ZIC5: variants seen among roughly 807,000 people sequenced by gnomAD.
ZIC5 encodes the protein Zic family zinc finger 5.
ZIC5 carries 20 observed loss-of-function variants against 28.5 expected under a neutral mutation model. The ratio of observed to expected loss-of-function variants is 0.70; its 90% CI spans 0.49 to 1.02. The LOEUF (loss-of-function observed/expected upper bound fraction) is 1.02, where lower values mean the gene tolerates loss of function less well. Ranked by LOEUF, ZIC5 falls within the 50% of genes least tolerant of loss-of-function variation. The probability of loss-of-function intolerance (pLI) is 0.00; values close to 1 mark genes in which losing one functional copy is unlikely to be tolerated. For synonymous variants in ZIC5, 488 were observed against 410.4 expected (o/e 1.19, Z -2.29); for missense variants, 951 against 899.7 (o/e 1.06, Z -0.73).
Position 99,971,449 on chromosome 13 carries a change from C to A in ZIC5, c.155G>T (p.Arg52Leu), listed in dbSNP as rs1346762601. 6.5e-7 allele frequency: 1 copy of A among 1,530,246 alleles called. No homozygotes were observed. The highest frequency in any genetic ancestry group is 2.0e-5 in the Admixed American group (1 of 50,234). The allele number at this position is 1,530,246 out of a possible 1,614,324, so 94.8% of individuals were successfully genotyped here. The change falls in exon 1 of 2, where the codon CGC becomes CTC. Residue 52 changes from arginine (R) to leucine (L), a missense_variant. Around this residue, in one of 3 missense-constraint regions of ZIC5, gnomAD observed 784 missense variants for 660.1 expected, o/e 1.19. Transcript: ENST00000267294. The stretch of plus-strand genomic sequence containing the variant: ...GGGGTCAGCGCCCAGGTCCCGCAGG[C>A]GGAGGTGCGCGACGGCGGCCCGGAG... Reference protein sequence around the residue: ...SQLRAAVAHLRLRDLGADPGV... With the variant: ...SQLRAAVAHLLLRDLGADPGV...
rs983181255 is a variant in ZIC5 at position 99,971,714 on chromosome 13, C to T, written c.-111G>A. The T allele has an allele frequency of 7.7e-6, 12 of 1,549,680 alleles. No homozygotes were observed. The African/African-American group carries it at 1.5e-4, about 19-fold the overall frequency. On this transcript the variant is annotated 5_prime_UTR_variant, in exon 1 of 2. Transcript: ENST00000267294. ...GCTCTTTAACTTCTTTTGTCCTGGCCTCTTAACTCTGCTTATTCCTGTTCC... is the reference window on the plus strand; with the variant it reads ...GCTCTTTAACTTCTTTTGTCCTGGCTTCTTAACTCTGCTTATTCCTGTTCC...
Position 99,971,005 on chromosome 13 carries a change from C to G in ZIC5, c.599G>C (p.Gly200Ala), listed in dbSNP as rs2053151987. ...GAPLGGEQRSGTGSPQHPAPP... is the reference protein window; with the variant it reads ...GAPLGGEQRSATGSPQHPAPP... ...GGCCGGGTGCTGGGGGGAGCCGGTG[C>G]CGGACCGCTGCTCCCCTCCGAGCGG... is the stretch of plus-strand genomic sequence containing the variant. Residue 200 changes from glycine to alanine, a missense_variant, in exon 1 of 2, where the codon GGC becomes GCC. Around this residue, in one of 3 missense-constraint regions of ZIC5, gnomAD observed 784 missense variants for 660.1 expected, o/e 1.19. Transcript: ENST00000267294. The G allele has an allele frequency of 7.1e-7, 1 of 1,410,070 alleles. No homozygotes were observed. Among genetic ancestry groups the G allele is most frequent in the Non-Finnish European group, 9.1e-7 (1 of 1,095,174 alleles). The allele number at this position is 1,410,070 out of a possible 1,614,324, so 87.3% of individuals were successfully genotyped here.
rs772735070 is a variant in ZIC5 at position 99,970,301 on chromosome 13, C to T, written c.1303G>A (p.Val435Ile). The change falls in exon 1 of 2, where the codon GTC (valine) becomes ATC (isoleucine). Residue 435 changes from valine (V) to isoleucine (I), a missense_variant. Around this residue, in one of 3 missense-constraint regions of ZIC5, gnomAD observed 784 missense variants for 660.1 expected, o/e 1.19. Transcript: ENST00000267294. ...CGCGGACAGTCCTCCCAGAAGCAGACGTGGCTGCTCTGCTCGGGGCCTCCC... is the reference window on the plus strand; with the variant it reads ...CGCGGACAGTCCTCCCAGAAGCAGATGTGGCTGCTCTGCTCGGGGCCTCCC... ...HVGGPEQSSHVCFWEDCPREG... is the reference protein window; with the variant it reads ...HVGGPEQSSHICFWEDCPREG... 26 of 1,613,450 alleles carry T rather than the reference C, an allele frequency of 1.6e-5. No individual in the cohort carries two copies. The highest frequency in any genetic ancestry group is 2.1e-5 in the Non-Finnish European group (25 of 1,179,810).
At chr13:99,966,973 A>G (rs1232720764) in intron 1 of ZIC5, among the ~76,000 whole-genome samples, 1 of 152,218 alleles carries the variant, frequency 6.6e-6, no homozygotes, top group African/African-American at 2.4e-5. Context: ...CATATTATTG[A>G]ATTAATATTT....
rs1035938367 is a variant in ZIC5 at position 99,971,568 on chromosome 13, C to T, written c.36G>A (p.Ala12=). 3 of 1,553,316 alleles carry T rather than the reference C, an allele frequency of 1.9e-6. No homozygotes were observed. In the African/African-American group the frequency reaches 4.1e-5, roughly 21 times the overall value. The change falls in exon 1 of 2, where the codon GCG becomes GCA. Residue 12 remains alanine, a synonymous_variant. Transcript: ENST00000267294. ...CCGTTGCCAAATCCGCTAATCTCAG[C>T]GCTGGCGGGTTCCTCTTGCTCAAAG... is the stretch of plus-strand genomic sequence containing the variant. ...EPPLSKRNPP[A]LRLADLATAQ...
chr13:99,969,634 GC>G (rs1481766625), intron 1 of ZIC5, among the ~76,000 whole-genome samples: 1 of 152,142 alleles, frequency 6.6e-6, no homozygotes, highest in African/African-American at 2.4e-5. Context: ...CAAATCCCAC[GC>G]CCGGTCCTCG....
At chr13:99,968,939 A>G (rs928223881) in intron 1 of ZIC5, among the ~76,000 whole-genome samples, 1 of 152,196 alleles carries the variant, frequency 6.6e-6, no homozygotes, top group African/African-American at 2.4e-5. Flanking sequence ...CCCCGGCCCG[A>G]GCGTGGGACC....
In ZIC5 at chr13:99,970,797, C is replaced by CGCCGCG; in HGVS notation, c.801_806dup (p.Ala269_Ala270dup). ...GTTCGGCGCGGCCGTACAGCTCAGC[C>CGCCGCG]GCCGCGGCTGCCGCTGCCGCCGCCA... On this transcript the variant is annotated inframe_insertion, in exon 1 of 2. Coordinates refer to ENST00000267294, the MANE Select transcript of ZIC5 (RefSeq NM_033132.5). The CGCCGCG allele has an allele frequency of 1.7e-6, 2 of 1,197,960 alleles. No homozygotes were observed. Among genetic ancestry groups the CGCCGCG allele is most frequent in the Non-Finnish European group, 2.1e-6 (2 of 970,634 alleles). The allele number at this position is 1,197,960 out of a possible 1,614,324, so 74.2% of individuals were successfully genotyped here. A position where few individuals can be genotyped will look rare whatever the true frequency, so the allele number is the denominator to read the frequency against.
chr13:99,969,191 C>T (rs1438860638), intron 1 of ZIC5, among the ~76,000 whole-genome samples: 1 of 152,190 alleles, frequency 6.6e-6, no homozygotes, highest in Admixed American at 6.5e-5. Flanking sequence ...GTGGGATCCC[C>T]AGAGGCAGGG....
At chr13:99,967,464 T>C (rs1472320121) in intron 1 of ZIC5, among the ~76,000 whole-genome samples, 1 of 152,272 alleles carries the variant, frequency 6.6e-6, no homozygotes, top group Non-Finnish European at 1.5e-5. Context: ...TTTGTCCTGA[T>C]TTCTACATTA....
chr13:99,971,319 T>C lies in ZIC5; in HGVS notation c.285A>G (p.Ala95=). The part of the protein sequence containing the change: ...QAFPAHPEAP[A]AAARAAALVA... The stretch of plus-strand genomic sequence containing the variant: ...CCAAGGCTGCAGCACGGGCGGCGGC[T>C]GCCGGAGCCTCCGGGTGTGCCGGGA... The change falls in exon 1 of 2, where the codon GCA becomes GCG. Residue 95 remains alanine (A), a synonymous_variant. Transcript: ENST00000267294. 3 of 1,373,528 alleles carry C rather than the reference T, an allele frequency of 2.2e-6. No homozygotes were observed. Among genetic ancestry groups the C allele is most frequent in the Non-Finnish European group, 2.8e-6 (3 of 1,074,342 alleles). 85.1% of individuals were successfully genotyped at this position (1,373,528 alleles called of 1,614,324 possible).
In ZIC5 at chr13:99,970,643, C is replaced by A; in HGVS notation, c.961G>T (p.Ala321Ser). The change falls in exon 1 of 2, where the codon GCC (alanine) becomes TCC (serine). Residue 321 changes from alanine (A) to serine (S), a missense_variant. Coordinates refer to ENST00000267294, the MANE Select transcript of ZIC5 (RefSeq NM_033132.5). ...NLAAAAAAAA[A>S]GPGPHLQHHA... ...TGCTGCAGGTGGGGCCCGGGCCCGG[C>A]CGCTGCTGCGGCCGCCGCAGCCGCC... 7 of 1,129,176 alleles carry A rather than the reference C, an allele frequency of 6.2e-6. No homozygotes were observed. The highest frequency in any genetic ancestry group is 7.6e-6 in the Non-Finnish European group (7 of 917,372). The allele number at this position is 1,129,176 out of a possible 1,614,324, so 69.9% of individuals were successfully genotyped here.
At chr13:99,969,755 T>G (rs1158425443) in intron 1 of ZIC5, among the ~76,000 whole-genome samples, 11 of 138,348 alleles carry the variant, frequency 8.0e-5, no homozygotes, top group South Asian at 5.4e-4. Context: ...GCCGGGCGGG[T>G]GGGGACTGCC....
rs12869870 is a variant in ZIC5, at chr13:99,965,051, G to C, written c.*326C>G. On this transcript the variant is annotated 3_prime_UTR_variant, in exon 2 of 2. Coordinates refer to ENST00000267294, the MANE Select transcript of ZIC5 (RefSeq NM_033132.5). The stretch of plus-strand genomic sequence containing the variant: ...TATATATATATATATATATTGCATC[G>C]GCAGTGTGTATCGCCATTAACTAAT... The C allele has an allele frequency of 1.2e-4, 17 of 141,490 alleles. No homozygotes were observed. The East Asian group carries it at 3.3e-3, about 27-fold the overall frequency. The allele number at this position is 141,490 out of a possible 1,614,324, so 8.8% of individuals were successfully genotyped here.
rs766276619 is a variant in ZIC5, at chr13:99,965,478, C to T, written c.1819G>A (p.Ala607Thr). ...NEWYVCQASGAPSHLHTPSSN... is the reference protein window; with the variant it reads ...NEWYVCQASGTPSHLHTPSSN... ...GAAGGGGTGTGGAGGTGGCTGGGGG[C>T]CCCACTGGCCTGGCAAACGTACCAC... The change falls in exon 2 of 2, where the codon GCC becomes ACC. Residue 607 changes from alanine to threonine, a missense_variant. Physicochemically the swap from Ala to Thr is moderately conservative, Grantham distance 58. Coordinates refer to ENST00000267294, the MANE Select transcript of ZIC5 (RefSeq NM_033132.5). 6.8e-6 allele frequency: 11 copies of T among 1,613,820 alleles called. No individual in the cohort carries two copies. The highest frequency in any genetic ancestry group is 3.3e-5 in the Admixed American group (2 of 59,980).
In ZIC5 at chr13:99,970,252, T is replaced by C. The variant is rs1463752124; in HGVS notation, c.1352A>G (p.Lys451Arg). Residue 451 changes from lysine to arginine, a missense_variant, in exon 1 of 2, where the codon AAA (lysine) becomes AGA (arginine). This residue lies in a region of ZIC5 where 784 missense variants were observed against 660.1 expected (regional missense o/e 1.19). Coordinates refer to ENST00000267294, the MANE Select transcript of ZIC5 (RefSeq NM_033132.5). ...GCGGATGTGGTTGATGAGCTTGTAT[T>C]TGGCCTTGAAGGGCTTGCCCTCGCG... ...CPREGKPFKA[K>R]YKLINHIRVH... The C allele has an allele frequency of 6.2e-7, 1 of 1,613,640 alleles. No individual in the cohort carries two copies. The highest frequency in any genetic ancestry group is 2.2e-5 in the East Asian group (1 of 44,830).
At position 99,971,542 on chromosome 13, in the gene ZIC5, G is replaced by A. The variant is rs1326722225; in HGVS notation, c.62C>T (p.Ala21Val). Residue 21 changes from alanine to valine, a missense_variant, in exon 1 of 2, where the codon GCT (alanine) becomes GTT (valine). Physicochemically the swap from Ala to Val is moderately conservative, Grantham distance 64. This residue lies in a region of ZIC5 where 784 missense variants were observed against 660.1 expected (regional missense o/e 1.19). Transcript: ENST00000267294. ...PALRLADLAT[A>V]QVQPLQNMTG... ...CATATTCTGAAGCGGCTGGACCTGA[G>A]CCGTTGCCAAATCCGCTAATCTCAG... is the stretch of plus-strand genomic sequence containing the variant. 6.4e-7 allele frequency: 1 copy of A among 1,552,276 alleles called. No individual in the cohort carries two copies. The highest frequency in any genetic ancestry group is 8.7e-7 in the Non-Finnish European group (1 of 1,147,258).
Position 99,965,370 on chromosome 13 carries a change from A to T in ZIC5, c.*7T>A. ...ATTATTTCACTTATTATTATTAATA[A>T]TAAATTCTAATGTATCGTCCGCACA... On this transcript the variant is annotated 3_prime_UTR_variant, in exon 2 of 2. Coordinates refer to ENST00000267294, the MANE Select transcript of ZIC5 (RefSeq NM_033132.5). 2 of 1,608,676 alleles carry T rather than the reference A, an allele frequency of 1.2e-6. No individual in the cohort carries two copies. The highest frequency in any genetic ancestry group is 1.7e-6 in the Non-Finnish European group (2 of 1,177,970).
At position 99,963,229 on chromosome 13, in the gene ZIC5, C is replaced by A. The variant is rs934190239; in HGVS notation, c.*2148G>T. On this transcript the variant is annotated 3_prime_UTR_variant, in exon 2 of 2. Transcript: ENST00000267294. ...ACCTGTAGCATAATAAAGAATAGTGCAAACTACCATTGAAAAAGTTGTATA... is the reference window on the plus strand; with the variant it reads ...ACCTGTAGCATAATAAAGAATAGTGAAAACTACCATTGAAAAAGTTGTATA... 6.6e-6 allele frequency: 1 copy of A among 152,374 alleles called. No individual in the cohort carries two copies. The highest frequency in any genetic ancestry group is 1.5e-5 in the Non-Finnish European group (1 of 67,974). The allele number at this position is 152,374 out of a possible 1,614,324, so 9.4% of individuals were successfully genotyped here. A position where few individuals can be genotyped will look rare whatever the true frequency, so the allele number is the denominator to read the frequency against.
Sources: gnomAD v4.1 joint callset for allele counts (sites outside exome capture counted in the v4.1 genomes callset) on GRCh38, gnomAD v4.1.1 for gene constraint, gnomAD v4.1.1 regional missense constraint, MANE v1.5 for transcripts, NCBI Gene and HGNC (gene_info 2026-07-23, HGNC 2026-07-21) for gene names.